CEP128: variants seen among roughly 807,000 people sequenced by gnomAD.
The protein encoded by CEP128 is centrosomal protein 128.
A neutral mutation model predicts 156.7 loss-of-function variants in CEP128; 132 were observed. That is an observed-to-expected ratio of 0.84 (90% CI 0.73 to 0.97). The LOEUF is 0.97. Among genes scored for constraint, CEP128 ranks in the 50% least tolerant of loss-of-function variants. The probability of loss-of-function intolerance (pLI) is 0.00; values close to 1 mark genes in which losing one functional copy is unlikely to be tolerated. For synonymous variants in CEP128, 469 were observed against 448.9 expected, an observed-to-expected ratio of 1.04 and a Z score of -0.57; for missense variants, 1,252 against 1,281.9, an observed-to-expected ratio of 0.98 and a Z score of 0.36.
chr14:80,778,089 A>G (rs1250044864), intron 15 of CEP128, 43 bp from the exon 16 acceptor site: 2 of 1,544,134 alleles, frequency 1.3e-6, no homozygotes, highest in Admixed American at 1.7e-5. Flanking sequence ...CACTAGCCAT[A>G]GCCAAAATAC....
intron 19 of CEP128, among the ~76,000 whole-genome samples, chr14:80,645,166 C>T (rs907284243): frequency 2.0e-5 from 3 of 152,084 alleles, no homozygotes; most frequent in Admixed American, 6.6e-5. Flanking sequence ...ATATATAATA[C>T]TATTTTACCC....
chr14:80,779,068 G>C (rs1210182825), intron 15 of CEP128, among the ~76,000 whole-genome samples: 1 of 152,060 alleles, frequency 6.6e-6, no homozygotes, highest in African/African-American at 2.4e-5. Context: ...CCTCCCAAAA[G>C]GTACAATATC....
intron 21 of CEP128, among the ~76,000 whole-genome samples, chr14:80,534,408 A>G (rs1490510201): frequency 6.6e-6 from 1 of 152,338 alleles, no homozygotes; most frequent in East Asian, 1.9e-4. Flanking sequence ...GACCTATGTC[A>G]TGTTAATTCC....
intron 15 of CEP128, among the ~76,000 whole-genome samples, chr14:80,779,674 C>A (rs1265736537): frequency 6.6e-6 from 1 of 152,186 alleles, no homozygotes; most frequent in Admixed American, 6.5e-5. Flanking sequence ...AAGGGGTATT[C>A]AGAACCCCCA....
chr14:80,897,193 G>A (rs1889384968), intron 7 of CEP128, among the ~76,000 whole-genome samples: 1 of 152,126 alleles, frequency 6.6e-6, no homozygotes, highest in Admixed American at 6.5e-5. Context: ...AAATATTAGA[G>A]CCCCTTTCTT....
intron 19 of CEP128, among the ~76,000 whole-genome samples, chr14:80,672,680 TC>T (rs1395064857): frequency 2.6e-5 from 4 of 152,216 alleles, no homozygotes; most frequent in Non-Finnish European, 1.5e-5. Context: ...TGGTTTATTG[TC>T]CCATTTCTTT....
chr14:80,907,784 T>A (rs1007514787), intron 4 of CEP128, among the ~76,000 whole-genome samples: 2 of 151,456 alleles, frequency 1.3e-5, no homozygotes, highest in African/African-American at 4.9e-5. Context: ...AGACCAGAGG[T>A]CTTATGTAGT....
chr14:80,594,581 G>A lies in CEP128; in HGVS notation c.2807-14158C>T, dbSNP rs185181227. On this transcript the variant is annotated intron_variant, in intron 19 of 24. Coordinates refer to ENST00000555265, the MANE Select transcript of CEP128 (RefSeq NM_152446.5). ...TTTTGCAATCTCTCCATCTGACAAAGGGCTAGTATCCAGAATCTACAAGGA... is the reference window on the plus strand; with the variant it reads ...TTTTGCAATCTCTCCATCTGACAAAAGGCTAGTATCCAGAATCTACAAGGA... Among the ~76,000 whole-genome samples, 231 of 152,184 alleles carry A rather than the reference G, an allele frequency of 1.5e-3. 1 individual carries two copies. Among genetic ancestry groups the A allele is most frequent in the African/African-American group, 5.3e-3 (221 of 41,502 alleles).
intron 19 of CEP128, among the ~76,000 whole-genome samples, chr14:80,662,092 GA>G (rs1227403921): frequency 6.6e-6 from 1 of 152,128 alleles, no homozygotes; most frequent in Admixed American, 6.5e-5. Context: ...GAATGCGTGG[GA>G]AACATAGCAC....
At chr14:80,556,662 A>G (rs1476605203) in intron 21 of CEP128, among the ~76,000 whole-genome samples, 2 of 152,138 alleles carry the variant, frequency 1.3e-5, no homozygotes, top group African/African-American at 2.4e-5. Flanking sequence ...GCTAAAATCA[A>G]TCTACTGTAA....
At chr14:80,769,188 A>T (rs1466435874) in intron 16 of CEP128, among the ~76,000 whole-genome samples, 3 of 152,168 alleles carry the variant, frequency 2.0e-5, no homozygotes, top group Non-Finnish European at 4.4e-5. Flanking sequence ...TATTGAGAGA[A>T]ATGTTTATAA....
intron 19 of CEP128, among the ~76,000 whole-genome samples, chr14:80,612,503 T>G (rs532761130): frequency 6.6e-6 from 1 of 152,244 alleles, no homozygotes; most frequent in South Asian, 2.1e-4. Flanking sequence ...GAAAGTGCCA[T>G]GAATTTTCCA....
At chr14:80,632,094 A>G (rs1893984821) in intron 19 of CEP128, among the ~76,000 whole-genome samples, 1 of 152,144 alleles carries the variant, frequency 6.6e-6, no homozygotes, top group Non-Finnish European at 1.5e-5. Flanking sequence ...GTATAAAATT[A>G]TATACCTGAA....
At chr14:80,803,742 A>T (rs1285102704) in intron 13 of CEP128, among the ~76,000 whole-genome samples, 1 of 152,162 alleles carries the variant, frequency 6.6e-6, no homozygotes, top group East Asian at 1.9e-4. Flanking sequence ...AAAAAGAATG[A>T]CCCCAAGATA....
intron 21 of CEP128, among the ~76,000 whole-genome samples, chr14:80,544,664 G>A (rs999580757): frequency 6.6e-6 from 1 of 152,136 alleles, no homozygotes. Flanking sequence ...GAAGTATTAT[G>A]TAATAGTGAT....
Position 80,600,565 on chromosome 14 carries a change from G to T in CEP128, c.2807-20142C>A, listed in dbSNP as rs138982326. Among the ~76,000 whole-genome samples the T allele has an allele frequency of 1.0e-3, 155 of 152,198 alleles. 2 individuals are homozygous for T. In the East Asian group the frequency reaches 0.021, roughly 21 times the overall value. On this transcript the variant is annotated intron_variant, in intron 19 of 24. Coordinates refer to ENST00000555265, the MANE Select transcript of CEP128 (RefSeq NM_152446.5). Reference sequence around the variant, plus strand: ...TCACAGAGATATTAACACATTCCCAGGGTCTTTCATGGTGAAATGAAAGTA... The same window carrying T: ...TCACAGAGATATTAACACATTCCCATGGTCTTTCATGGTGAAATGAAAGTA...
chr14:80,616,144 T>C (rs564353805), intron 19 of CEP128, among the ~76,000 whole-genome samples: 3 of 152,366 alleles, frequency 2.0e-5, no homozygotes, highest in African/African-American at 7.2e-5. Context: ...GTCTCTCATA[T>C]AATTATTTAA....
intron 14 of CEP128, among the ~76,000 whole-genome samples, chr14:80,786,403 T>C (rs894108124): frequency 6.6e-6 from 1 of 152,198 alleles, no homozygotes; most frequent in Non-Finnish European, 1.5e-5. Flanking sequence ...AATAATGAGT[T>C]AAAATGCAAA....
At chr14:80,616,212 C>T (rs1381675314) in intron 19 of CEP128, among the ~76,000 whole-genome samples, 1 of 152,164 alleles carries the variant, frequency 6.6e-6, no homozygotes, top group Non-Finnish European at 1.5e-5. Flanking sequence ...CTTGATAGTT[C>T]ATTCAGTAAG....
Sources: gnomAD v4.1 joint callset for allele counts (sites outside exome capture counted in the v4.1 genomes callset) on GRCh38, gnomAD v4.1.1 for gene constraint, MANE v1.5 for transcripts, NCBI Gene and HGNC (gene_info 2026-07-23, HGNC 2026-07-21) for gene names.